Variants in PRKCH observed in about 807,000 individuals in gnomAD.
PRKCH encodes protein kinase C eta type.
Under a neutral mutation model 82.5 loss-of-function variants are expected in PRKCH, and 28 were observed. The observed-to-expected ratio is 0.34, with a 90% CI of 0.25 to 0.47. The LOEUF (loss-of-function observed/expected upper bound fraction) is 0.47. Among genes scored for constraint, PRKCH ranks in the 20% least tolerant of loss-of-function variants. The pLI is 1.00. For missense variants in PRKCH, 705 were observed against 881.8 expected (o/e 0.80, Z 2.54); for synonymous variants, 322 against 327.4 (o/e 0.98, Z 0.18).
chr14:61,350,791 C>T (rs2046063726), intron 1 of PRKCH, among the ~76,000 whole-genome samples: 1 of 152,164 alleles, frequency 6.6e-6, no homozygotes, highest in African/African-American at 2.4e-5. Context: ...TCATCTAACC[C>T]AGACTAATAA....
chr14:61,321,215 A>ACCAG (rs1337233179), upstream of PRKCH, among the ~76,000 whole-genome samples: 3 of 152,190 alleles, frequency 2.0e-5, no homozygotes, highest in Admixed American at 1.3e-4. This position sits in a 1 kb window ranked among gnomAD's most constrained non-coding sequence, Gnocchi z 4.1. Flanking sequence ...CTGCAGGGTC[A>ACCAG]CCAGCCCACC....
chr14:61,255,224 A>C (rs1325449987), intron 1 of PRKCH, among the ~76,000 whole-genome samples: 9 of 152,188 alleles, frequency 5.9e-5, no homozygotes, highest in Non-Finnish European at 1.5e-5. Context: ...TGTGGGACTC[A>C]CTTAAACCAA....
intron 1 of PRKCH, among the ~76,000 whole-genome samples, chr14:61,255,171 C>T (rs187649696): frequency 1.3e-5 from 2 of 152,344 alleles, no homozygotes; most frequent in East Asian, 3.8e-4. Flanking sequence ...CCTCTAACCT[C>T]TTAGCAGGAT....
intron 1 of PRKCH, among the ~76,000 whole-genome samples, chr14:61,261,292 C>G (rs1415342248): frequency 1.3e-5 from 2 of 152,184 alleles, no homozygotes; most frequent in Non-Finnish European, 2.9e-5. Context: ...GCCTGGCCAG[C>G]AGTAGGGAAT....
At chr14:61,444,887 A>G (rs996260242) in intron 3 of PRKCH, among the ~76,000 whole-genome samples, 2 of 152,264 alleles carry the variant, frequency 1.3e-5, no homozygotes, top group Admixed American at 1.3e-4. Flanking sequence ...CCTGTGCAGT[A>G]GGAACGGTTA....
chr14:61,272,821 G>A (rs537480720), intron 1 of PRKCH, among the ~76,000 whole-genome samples: 1 of 152,254 alleles, frequency 6.6e-6, no homozygotes, highest in East Asian at 1.9e-4. Context: ...ACTTTTCTTT[G>A]CTTTCAACTA....
intron 7 of PRKCH, 87 bp downstream of exon 7, chr14:61,453,440 A>G (rs1884607376): frequency 6.9e-7 from 1 of 1,440,514 alleles, no homozygotes; most frequent in Non-Finnish European, 9.4e-7. Context: ...GCCTCATCAA[A>G]GTTCCTAATC....
chr14:61,352,395 G>T (rs558351939), intron 1 of PRKCH, among the ~76,000 whole-genome samples: 8 of 152,276 alleles, frequency 5.3e-5, no homozygotes, highest in African/African-American at 1.9e-4. Context: ...GGGCGTGGTG[G>T]CTCATGCCTG....
At chr14:61,514,591 A>G (rs1422051232) in intron 10 of PRKCH, among the ~76,000 whole-genome samples, 2 of 152,110 alleles carry the variant, frequency 1.3e-5, no homozygotes, top group East Asian at 1.9e-4. Context: ...AGCACAAACC[A>G]GAATCCACCC....
At chr14:61,458,454 C>G (rs1309092916) in intron 9 of PRKCH, among the ~76,000 whole-genome samples, 2 of 152,120 alleles carry the variant, frequency 1.3e-5, no homozygotes, top group African/African-American at 4.8e-5. Context: ...GCCCTAGATG[C>G]CACACCTTGG....
chr14:61,260,568 A>G (rs896464949), intron 1 of PRKCH, among the ~76,000 whole-genome samples: 2 of 152,242 alleles, frequency 1.3e-5, no homozygotes, highest in Non-Finnish European at 2.9e-5. Context: ...GGCATTCTGT[A>G]GCCATTAAAC....
chr14:61,417,080 A>C (rs570504881), intron 2 of PRKCH, among the ~76,000 whole-genome samples: 1 of 152,350 alleles, frequency 6.6e-6, no homozygotes, highest in Admixed American at 6.5e-5. Flanking sequence ...AGGAGCCCTG[A>C]AATTCTGTCT....
intron 1 of PRKCH, chr14:61,353,951 TAAG>T (rs2046114780): frequency 1.3e-5 from 2 of 151,846 alleles, no homozygotes; most frequent in African/African-American, 2.4e-5. Flanking sequence ...AAAATAATAA[TAAG>T]AAGAATCACA....
At chr14:61,360,990 T>C (rs2046217336) in intron 1 of PRKCH, 1 of 152,226 alleles carries the variant, frequency 6.6e-6, no homozygotes, top group Non-Finnish European at 1.5e-5. Flanking sequence ...GCACGGAAAG[T>C]AGGGTGTGAG....
chr14:61,410,626 G>A (rs577995470), intron 2 of PRKCH, among the ~76,000 whole-genome samples: 5 of 152,288 alleles, frequency 3.3e-5, no homozygotes, highest in African/African-American at 1.2e-4. Context: ...GCACTGGTGT[G>A]GCTAAATTAC....
intron 1 of PRKCH, among the ~76,000 whole-genome samples, chr14:61,233,422 A>C (rs1405448914): frequency 6.6e-6 from 1 of 152,124 alleles, no homozygotes; most frequent in Non-Finnish European, 1.5e-5. Context: ...AAGAAAAAAA[A>C]GCCAGAGTGG....
At chr14:61,234,762 C>T (rs2044773888) in intron 1 of PRKCH, among the ~76,000 whole-genome samples, 1 of 152,320 alleles carries the variant, frequency 6.6e-6, no homozygotes, top group African/African-American at 2.4e-5. Flanking sequence ...ACTGTGTAAG[C>T]AAAGCCAAAT....
At chr14:61,334,144 A>G (rs1483482193) in intron 1 of PRKCH, among the ~76,000 whole-genome samples, 2 of 152,152 alleles carry the variant, frequency 1.3e-5, no homozygotes, top group Non-Finnish European at 2.9e-5. Flanking sequence ...ACTCCACCTC[A>G]GTGTGTGGTG....
chr14:61,479,195 C>T (rs138850203), intron 9 of PRKCH, among the ~76,000 whole-genome samples: 23 of 152,326 alleles, frequency 1.5e-4, no homozygotes, highest in Non-Finnish European at 2.6e-4. Context: ...AGTCTTTCTC[C>T]ACTCTCTTAT....
Sources: allele counts gnomAD v4.1 joint callset (sites outside exome capture counted in the v4.1 genomes callset), GRCh38; gene constraint gnomAD v4.1.1; non-coding constraint Gnocchi (gnomAD v3.1); transcripts MANE v1.5; gene names NCBI Gene and HGNC (gene_info 2026-07-23, HGNC 2026-07-21).